Variants in NXPE2 observed in about 807,000 individuals in gnomAD.
NXPE2 encodes NXPE family member 2.
A neutral mutation model predicts 34.4 loss-of-function variants in NXPE2; 34 were observed. The observed-to-expected ratio is 0.99, with a 90% CI of 0.75 to 1.31. NXPE2 has a LOEUF of 1.31. NXPE2 is among the 40% of genes most tolerant of loss of function. The pLI is 0.00. For missense variants in NXPE2, 649 were observed against 672.5 expected (o/e 0.97, Z 0.39); for synonymous variants, 235 against 231.3 (o/e 1.02, Z -0.15).
At chr11:114,701,941 T>C (rs1411512549) in intron 3 of NXPE2, among the ~76,000 whole-genome samples, 1 of 152,182 alleles carries the variant, frequency 6.6e-6, no homozygotes, top group Non-Finnish European at 1.5e-5. Flanking sequence ...CTGATTTTTG[T>C]AGATGTGGTG....
At chr11:114,727,774 A>AAC in the NXPE2 span, among the ~76,000 whole-genome samples, 5,577 of 127,462 alleles carry the variant, frequency 0.044, 120 homozygotes, top group Middle Eastern at 0.057. Flanking sequence ...ATGTGTACAC[A>AAC]ACACACACAC....
the NXPE2 span, among the ~76,000 whole-genome samples, chr11:114,566,697 T>TTCTCTC: frequency 2.0e-5 from 3 of 150,396 alleles, no homozygotes; most frequent in Admixed American, 6.6e-5. Context: ...ATCAAGGGAT[T>TTCTCTC]TCTCTCTCTC....
the NXPE2 span, among the ~76,000 whole-genome samples, chr11:114,572,439 G>A: frequency 1.3e-5 from 2 of 152,170 alleles, no homozygotes; most frequent in East Asian, 1.9e-4. Flanking sequence ...ACCAGAGAAA[G>A]GTGAAGTCCA....
chr11:114,750,912 T>C, the NXPE2 span, among the ~76,000 whole-genome samples: 1 of 152,196 alleles, frequency 6.6e-6, no homozygotes, highest in South Asian at 2.1e-4. Flanking sequence ...AGCAAATGAT[T>C]CAACGTTTCA....
At chr11:114,683,153 T>C (rs1240275183) in intron 2 of NXPE2, among the ~76,000 whole-genome samples, 1 of 152,110 alleles carries the variant, frequency 6.6e-6, no homozygotes. Context: ...ATAAAAGTTT[T>C]TGAGTTTTTT....
At chr11:114,761,906 T>C in the NXPE2 span, among the ~76,000 whole-genome samples, 14 of 152,326 alleles carry the variant, frequency 9.2e-5, no homozygotes, top group African/African-American at 3.1e-4. Context: ...TATTCACTTA[T>C]TTAACTGAAA....
chr11:114,691,261 C>A (rs1333357279), intron 2 of NXPE2, among the ~76,000 whole-genome samples: 2 of 151,092 alleles, frequency 1.3e-5, no homozygotes, highest in Non-Finnish European at 3.0e-5. Context: ...TTGATTTTTT[C>A]TTTCTTTTTT....
At chr11:114,693,930 A>T (rs1333595348) in intron 2 of NXPE2, among the ~76,000 whole-genome samples, 1 of 152,230 alleles carries the variant, frequency 6.6e-6, no homozygotes, top group Non-Finnish European at 1.5e-5. Flanking sequence ...TGGAGGTCAG[A>T]ATTACAAAAT....
chr11:114,762,982 C>T, the NXPE2 span, among the ~76,000 whole-genome samples: 1 of 152,070 alleles, frequency 6.6e-6, no homozygotes, highest in Non-Finnish European at 1.5e-5. Flanking sequence ...GCCACACCAG[C>T]CTCCTGACTG....
chr11:114,695,171 T>C lies in NXPE2; in HGVS notation c.133-2874T>C, dbSNP rs1951226167. Among the ~76,000 whole-genome samples the C allele has an allele frequency of 2.0e-5, 3 of 152,216 alleles. No homozygotes were observed. The South Asian group carries it at 6.2e-4, about 32-fold the overall frequency. Reference sequence around the variant, plus strand: ...CCAGTGTCCATGTTTATGTGTCTCCTAGAGACTTCATCCTTGGGTGTTTCT... The same window carrying C: ...CCAGTGTCCATGTTTATGTGTCTCCCAGAGACTTCATCCTTGGGTGTTTCT... On this transcript the variant is annotated intron_variant, in intron 2 of 5. Coordinates refer to ENST00000389586, the MANE Select transcript of NXPE2 (RefSeq NM_182495.6).
At chr11:114,676,096 C>T (rs939161800), upstream of NXPE2, among the ~76,000 whole-genome samples, 4 of 151,732 alleles carry the variant, frequency 2.6e-5, no homozygotes, top group Non-Finnish European at 5.9e-5. Flanking sequence ...TAAAAAAAAT[C>T]CAACTGAAAA....
chr11:114,477,661 A>T, the NXPE2 span, among the ~76,000 whole-genome samples: 2 of 152,174 alleles, frequency 1.3e-5, no homozygotes, highest in African/African-American at 4.8e-5. Context: ...GTGCAGCAAT[A>T]TGGGTGAAAC....
At chr11:114,708,075 T>C (rs1951503351), downstream of NXPE2, among the ~76,000 whole-genome samples, 1 of 152,210 alleles carries the variant, frequency 6.6e-6, no homozygotes, top group Admixed American at 6.5e-5. Flanking sequence ...CACCCATAAT[T>C]TGAAGACATG....
intron 1 of NXPE2, 128 bp downstream of exon 1, chr11:114,678,729 G>A (rs1950890260): frequency 2.9e-5 from 19 of 663,378 alleles, no homozygotes; most frequent in South Asian, 2.1e-4. Flanking sequence ...GTTTTATTTG[G>A]GCATAAAAAT....
At chr11:114,794,846 C>A in the NXPE2 span, among the ~76,000 whole-genome samples, 1 of 144,444 alleles carries the variant, frequency 6.9e-6, no homozygotes, top group Non-Finnish European at 1.5e-5. Flanking sequence ...ATGAATTGCA[C>A]CCCCGCCCCC....
Position 114,698,611 on chromosome 11 carries a change from G to A in NXPE2, c.699G>A (p.Leu233=). The change falls in exon 3 of 6, where the codon CTG becomes CTA. Residue 233 remains leucine, a synonymous_variant. Coordinates refer to ENST00000389586, the MANE Select transcript of NXPE2 (RefSeq NM_182495.6). ...CCAATGTCTTCACTGAATGTGGCCT[G>A]ACCCTAAACACAAATGCTGAACTGT... ...RSSNVFTECG[L]TLNTNAELCQ... The A allele has an allele frequency of 1.2e-6, 2 of 1,614,188 alleles. No individual in the cohort carries two copies. The highest frequency in any genetic ancestry group is 2.2e-5 in the South Asian group (2 of 91,078).
chr11:114,793,857 C>T, the NXPE2 span, among the ~76,000 whole-genome samples: 14 of 152,142 alleles, frequency 9.2e-5, no homozygotes, highest in Non-Finnish European at 2.1e-4. Context: ...CCTTCACAGA[C>T]CCAATATTTC....
chr11:114,710,641 C>T (rs996273175), downstream of NXPE2, among the ~76,000 whole-genome samples: 1 of 151,738 alleles, frequency 6.6e-6, no homozygotes, highest in African/African-American at 2.4e-5. Context: ...AAGCCTAGGC[C>T]CAGATGGCTT....
chr11:114,608,448 T>A, the NXPE2 span, among the ~76,000 whole-genome samples: 1 of 151,914 alleles, frequency 6.6e-6, no homozygotes, highest in Non-Finnish European at 1.5e-5. Context: ...AAAGCACTGT[T>A]ACTCAGAGGA....
Sources: allele counts gnomAD v4.1 joint callset (sites outside exome capture counted in the v4.1 genomes callset), GRCh38; gene constraint gnomAD v4.1.1; transcripts MANE v1.5; gene names NCBI Gene and HGNC (gene_info 2026-07-23, HGNC 2026-07-21).